MYH7: variants seen among roughly 807,000 people sequenced by gnomAD.
The protein encoded by MYH7 is myosin-7.
Under a neutral mutation model 225.4 loss-of-function variants are expected in MYH7, and 129 were observed. The observed-to-expected ratio is 0.57, with a 90% confidence interval of 0.50 to 0.66. MYH7 has a LOEUF of 0.66. Ranked by LOEUF, MYH7 falls within the 30% of genes least tolerant of loss-of-function variation. The pLI is 0.00. For missense variants in MYH7, 1,649 were observed against 2,517.0 expected, an observed-to-expected ratio of 0.66 and a Z score of 7.38; for synonymous variants, 971 against 1,007.6, an observed-to-expected ratio of 0.96 and a Z score of 0.69.
At position 23,423,695 on chromosome 14, in the gene MYH7, C is replaced by T; in HGVS notation, c.2951G>A (p.Gly984Glu). The change falls in exon 24 of 40, where the codon GGG becomes GAG. Residue 984 changes from glycine (G) to glutamate (E), a missense_variant. Physicochemically the swap from Gly to Glu is moderately conservative, Grantham distance 98 (BLOSUM62 -2). Around this residue, in one of 12 missense-constraint regions of MYH7, gnomAD observed 282 missense variants for 315.3 expected, o/e 0.89. Transcript: ENST00000355349. Reference protein sequence around the residue: ...KVKNLTEEMAGLDEIIAKLTK... With the variant: ...KVKNLTEEMAELDEIIAKLTK... ...CAGCTTGGCAATGATCTCATCCAGC[C>T]CAGCCATCTCCTCTGTCAGGTTTTT... 1 of 1,614,078 alleles carries T rather than the reference C, an allele frequency of 6.2e-7. No individual in the cohort carries two copies. The highest frequency in any genetic ancestry group is 8.5e-7 in the Non-Finnish European group (1 of 1,180,016).
Position 23,424,814 on chromosome 14 carries a change from C to A in MYH7, c.2634G>T (p.Val878=). 2 of 1,614,220 alleles carry A rather than the reference C, an allele frequency of 1.2e-6. No individual in the cohort carries two copies. The highest frequency in any genetic ancestry group is 1.7e-6 in the Non-Finnish European group (2 of 1,180,038). ...GGTCATTCTTCTCCTGCAGCAGGGA[C>A]ACCATCTTCTCCTCCAGCTCCTTGC... ...ARRKELEEKM[V]SLLQEKNDLQ... Residue 878 remains valine, a synonymous_variant, in exon 22 of 40, where the codon GTG becomes GTT. Coordinates refer to ENST00000355349, the MANE Select transcript of MYH7 (RefSeq NM_000257.4).
chr14:23,433,413 G>A lies in MYH7; in HGVS notation c.201+119C>T. ...TGGAGGGTCTGGATTCTTCCCCAAA[G>A]GGAAGGAGAATGGGACCATCCTCAG... On this transcript the variant is annotated intron_variant, in intron 3 of 39. Transcript: ENST00000355349. The surrounding 1 kb of genome is among the most constrained non-coding windows in gnomAD (Gnocchi z 4.1). 1 of 1,449,542 alleles carries A rather than the reference G, an allele frequency of 6.9e-7. No homozygotes were observed. The highest frequency in any genetic ancestry group is 9.6e-7 in the Non-Finnish European group (1 of 1,043,212). 89.8% of individuals were successfully genotyped at this position (1,449,542 alleles called of 1,614,324 possible).
At chr14:23,431,310 A>T (rs1892925396) in intron 9 of MYH7, 108 bp downstream of exon 9, 2 of 1,135,684 alleles carry the variant, frequency 1.8e-6, no homozygotes, top group Admixed American at 1.7e-5. Context: ...ACAGAGACTT[A>T]AAGAGGAGAA....
At chr14:23,424,656 G>T in intron 22 of MYH7, 113 bp downstream of exon 22, 1 of 1,562,820 alleles carries the variant, frequency 6.4e-7, no homozygotes, top group East Asian at 2.3e-5. Context: ...GTTGATCCCA[G>T]AGTCCTCTGA....
chr14:23,424,259 C>A, intron 22 of MYH7, 110 bp from the exon 23 acceptor site: 1 of 1,409,520 alleles, frequency 7.1e-7, no homozygotes, highest in Non-Finnish European at 9.7e-7. Flanking sequence ...TCTAGGATAT[C>A]CCCACTTGGC....
chr14:23,433,994 CCCTGTAGGAGCA>C lies in MYH7; in HGVS notation c.-9+188_-9+199del, dbSNP rs1893056050. Among the ~76,000 whole-genome samples, 1 of 152,208 alleles carries C rather than the reference CCCTGTAGGAGCA, an allele frequency of 6.6e-6. No individual in the cohort carries two copies. Among genetic ancestry groups the C allele is most frequent in the African/African-American group, 2.4e-5 (1 of 41,448 alleles). On this transcript the variant is annotated intron_variant, in intron 2 of 39. Coordinates refer to ENST00000355349, the MANE Select transcript of MYH7 (RefSeq NM_000257.4). This position sits in a 1 kb window ranked among gnomAD's most constrained non-coding sequence, Gnocchi z 4.1. ...AGGGGAAGGAAGAGCATTCTGAGCT[CCCTGTAGGAGCA>C]GAAATCTAACTATTTCCATCTCTGA...
At chr14:23,422,578 T>TCTTTCTTTCTTTCC (rs771683871) in intron 24 of MYH7, among the ~76,000 whole-genome samples, 1 of 144,184 alleles carries the variant, frequency 6.9e-6, no homozygotes, top group African/African-American at 2.8e-5. Context: ...TCTTTCCCTT[T>TCTTTCTTTCTTTCC]CTTTCTTTCT....
At chr14:23,424,739 G>C (rs373816029) in intron 22 of MYH7, 30 bp downstream of exon 22, 1 of 1,612,996 alleles carries the variant, frequency 6.2e-7, no homozygotes, top group Non-Finnish European at 8.5e-7. Context: ...GAGCAGGGTG[G>C]AAGAGCCAAC....
In MYH7 at chr14:23,433,086, A is replaced by G. The variant is rs397516183; in HGVS notation, c.343T>C (p.Tyr115His). 7.4e-6 allele frequency: 12 copies of G among 1,614,030 alleles called. No homozygotes were observed. The highest frequency in any genetic ancestry group is 1.0e-5 in the Non-Finnish European group (12 of 1,180,026). The change falls in exon 4 of 40, where the codon TAC (tyrosine) becomes CAC (histidine). Residue 115 changes from tyrosine (Y) to histidine (H), a missense_variant and splice_region_variant. Physicochemically the swap from Tyr to His is moderately conservative, Grantham distance 83. Coordinates refer to ENST00000355349, the MANE Select transcript of MYH7 (RefSeq NM_000257.4). The surrounding 1 kb of genome is among the most constrained non-coding windows in gnomAD (Gnocchi z 4.1). ...GTAGGGCCAGGTGCAGCACTCACGT[A>G]GATCATCCAGGAGCCGTAGCGATCC... ...LKDRYGSWMI[Y>H]TYSGLFCVTV...
Position 23,424,007 on chromosome 14 carries a change from C to T in MYH7, c.2822G>A (p.Arg941His), listed in dbSNP as rs765458590. The change falls in exon 23 of 40, where the codon CGC (arginine) becomes CAC (histidine). Residue 941 changes from arginine (R) to histidine (H), a missense_variant. Physicochemically the swap from Arg to His is conservative, Grantham distance 29. Around this residue, in one of 12 missense-constraint regions of MYH7, gnomAD observed 282 missense variants for 315.3 expected, o/e 0.89. Transcript: ENST00000355349. ...EMNAELTAKKRKLEDECSELK... is the reference protein window; with the variant it reads ...EMNAELTAKKHKLEDECSELK... ...CTCTGAGCACTCATCTTCCAGCTTG[C>T]GCTTCTTGGCAGTGAGCTCAGCATT... is the stretch of plus-strand genomic sequence containing the variant. The T allele has an allele frequency of 9.3e-6, 15 of 1,614,126 alleles. No individual in the cohort carries two copies. The highest frequency in any genetic ancestry group is 2.2e-5 in the East Asian group (1 of 44,894).
At position 23,427,802 on chromosome 14, in the gene MYH7, C is replaced by A. The variant is rs149386750; in HGVS notation, c.1671G>T (p.Leu557=). The A allele has an allele frequency of 1.2e-6, 2 of 1,614,148 alleles. No individual in the cohort carries two copies. The highest frequency in any genetic ancestry group is 4.5e-5 in the East Asian group (2 of 44,876). Reference sequence around the variant, plus strand: ...GCTTCTGGAAGTTGGCGGATTTGCCCAGGTGGTTGTCAAACAGCTTGGCCT... The same window carrying A: ...GCTTCTGGAAGTTGGCGGATTTGCCAAGGTGGTTGTCAAACAGCTTGGCCT... ...TFKAKLFDNH[L]GKSANFQKPR... Residue 557 remains leucine (L), a synonymous_variant, in exon 16 of 40, where the codon CTG becomes CTT. Coordinates refer to ENST00000355349, the MANE Select transcript of MYH7 (RefSeq NM_000257.4).
Position 23,419,261 on chromosome 14 carries a change from T to C in MYH7, c.3888A>G (p.Ala1296=), listed in dbSNP as rs3729819. The change falls in exon 29 of 40, where the codon GCA becomes GCG. Residue 1296 remains alanine (A), a synonymous_variant. Coordinates refer to ENST00000355349, the MANE Select transcript of MYH7 (RefSeq NM_000257.4). ...ELSRQLDEKE[A]LISQLTRGKL... is the part of the protein sequence containing the mutation. ...TGCCTCGGGTCAGCTGGGAGATCAGTGCCTCCTTCTCATCCAGCTGCCGGG... is the reference window on the plus strand; with the variant it reads ...TGCCTCGGGTCAGCTGGGAGATCAGCGCCTCCTTCTCATCCAGCTGCCGGG... 6.2e-7 allele frequency: 1 copy of C among 1,614,056 alleles called. No individual in the cohort carries two copies. Among genetic ancestry groups the C allele is most frequent in the Non-Finnish European group, 8.5e-7 (1 of 1,180,050 alleles).
chr14:23,430,744 G>T, intron 10 of MYH7, 81 bp from the exon 11 acceptor site: 1 of 1,355,574 alleles, frequency 7.4e-7, no homozygotes, highest in Non-Finnish European at 1.1e-6. Flanking sequence ...ATGGCCTGAG[G>T]AAGAGCACAG....
In MYH7 at chr14:23,417,295, C is replaced by A. The variant is rs201307101; in HGVS notation, c.4377G>T (p.Lys1459Asn). 739 of 1,614,024 alleles carry A rather than the reference C, an allele frequency of 4.6e-4. No individual in the cohort carries two copies. The highest frequency in any genetic ancestry group is 5.8e-4 in the Non-Finnish European group (683 of 1,180,042). Residue 1459 changes from lysine to asparagine, a missense_variant, in exon 32 of 40, where the codon AAG becomes AAT. By Grantham distance (94) the Lys-to-Asn change is moderately conservative (BLOSUM62 0). Coordinates refer to ENST00000355349, the MANE Select transcript of MYH7 (RefSeq NM_000257.4). The part of the protein sequence containing the change: ...FDKILAEWKQ[K>N]YEESQSELES... ...CCAGCTCCGACTGCGACTCCTCATACTTCTGCTTCCACTCGGCCAGGATCT... is the reference window on the plus strand; with the variant it reads ...CCAGCTCCGACTGCGACTCCTCATAATTCTGCTTCCACTCGGCCAGGATCT...
chr14:23,422,658 G>T lies in MYH7; in HGVS notation c.3100-333C>A, dbSNP rs868715866. 8.4e-4 allele frequency among the ~76,000 whole-genome samples: 91 copies of T among 108,150 alleles called. 1 individual carries two copies. In the Middle Eastern group the frequency reaches 0.027, roughly 32 times the overall value. 71.0% of individuals were successfully genotyped at this position (108,150 alleles called of 152,430 possible). A position where few individuals can be genotyped will look rare whatever the true frequency, so the allele number is the denominator to read the frequency against. On this transcript the variant is annotated intron_variant, in intron 24 of 39. Coordinates refer to ENST00000355349, the MANE Select transcript of MYH7 (RefSeq NM_000257.4). ...TTTTTTTTTTTTTTTTTTTTATGGAGTCTCACTCTGTCGCCAGGCTGGAGT... is the reference window on the plus strand; with the variant it reads ...TTTTTTTTTTTTTTTTTTTTATGGATTCTCACTCTGTCGCCAGGCTGGAGT...
rs2138641207 is a variant in MYH7 at position 23,415,937 on chromosome 14, G to T, written c.4953+67C>A. 6.2e-7 allele frequency: 1 copy of T among 1,613,430 alleles called. No individual in the cohort carries two copies. The highest frequency in any genetic ancestry group is 1.1e-5 in the South Asian group (1 of 91,052). On this transcript the variant is annotated intron_variant, in intron 34 of 39. Transcript: ENST00000355349. This position sits in a 1 kb window ranked among gnomAD's most constrained non-coding sequence, Gnocchi z 6.3. ...AGTAACCTAGGGGCAGGAGGAATCT[G>T]GTGCCTGTATCAAGACACTACTGCT...
Position 23,418,369 on chromosome 14 carries a change from C to T in MYH7, c.4010G>A (p.Arg1337Gln), listed in dbSNP as rs368575559. The change falls in exon 30 of 40, where the codon CGG becomes CAG. Residue 1337 changes from arginine (R) to glutamine (Q), a missense_variant. Physicochemically the swap from Arg to Gln is conservative, Grantham distance 43. Coordinates refer to ENST00000355349, the MANE Select transcript of MYH7 (RefSeq NM_000257.4). ...NALAHALQSA[R>Q]HDCDLLREQY... ...CTCCCGCAGCAGGTCGCAGTCATGC[C>T]GGGCCGACTGCAGTGCGTGGGCCAG... The T allele has an allele frequency of 7.5e-5, 121 of 1,613,322 alleles. No homozygotes were observed. Among genetic ancestry groups the T allele is most frequent in the South Asian group, 3.3e-4 (30 of 91,052 alleles).
intron 33 of MYH7, 82 bp from the exon 34 acceptor site, chr14:23,416,394 A>G (rs1446070355): frequency 6.9e-7 from 1 of 1,452,810 alleles, no homozygotes; most frequent in Non-Finnish European, 9.4e-7. Flanking sequence ...AATCATGGAT[A>G]CGAAGTGACT....
chr14:23,430,864 T>C (rs763118390), intron 10 of MYH7, 37 bp downstream of exon 10: 4 of 1,490,890 alleles, frequency 2.7e-6, no homozygotes, highest in Middle Eastern at 1.7e-4. Flanking sequence ...CAGGTTGCCA[T>C]GGAGATAGTT....
Sources: gnomAD v4.1 joint callset for allele counts (sites outside exome capture counted in the v4.1 genomes callset) on GRCh38, gnomAD v4.1.1 for gene constraint, gnomAD v4.1.1 regional missense constraint, Gnocchi (gnomAD v3.1) non-coding constraint, MANE v1.5 for transcripts, NCBI Gene and HGNC (gene_info 2026-07-23, HGNC 2026-07-21) for gene names.